The following ANKRD36C variants were observed in gnomAD, a reference collection of about 807,000 sequenced individuals.
ANKRD36C encodes the protein ankyrin repeat domain 36C.
In ANKRD36C, 61 loss-of-function variants were observed where a neutral mutation model predicts 276.4. The observed-to-expected ratio is 0.22, with a 90% CI of 0.18 to 0.27. The LOEUF (loss-of-function observed/expected upper bound fraction) is 0.27. Among genes scored for constraint, ANKRD36C ranks in the 10% least tolerant of loss-of-function variants. The pLI is 1.00. For missense variants in ANKRD36C, 1,447 were observed against 2,032.3 expected (o/e 0.71, Z 5.54); for synonymous variants, 483 against 680.1 (o/e 0.71, Z 4.51).
exon 52 of ANKRD36C, chr2:95,886,064 T>A: frequency 6.2e-7 from 1 of 1,611,124 alleles, no homozygotes. Context: ...CACGTATTTG[T>A]CCATCCTTTA....
chr2:95,902,276 C>T (rs1188952017), intron 42 of ANKRD36C, among the ~76,000 whole-genome samples: 1 of 148,580 alleles, frequency 6.7e-6, no homozygotes, highest in Non-Finnish European at 1.5e-5. Flanking sequence ...ACCATTGTTT[C>T]CTGCTTCCAG....
chr2:95,866,673 G>C (rs1247386577), intron 60 of ANKRD36C, among the ~76,000 whole-genome samples: 1 of 152,114 alleles, frequency 6.6e-6, no homozygotes, highest in Non-Finnish European at 1.5e-5. Flanking sequence ...ATTTACTGCT[G>C]ATGAGAATAG....
intron 42 of ANKRD36C, among the ~76,000 whole-genome samples, chr2:95,909,825 T>C (rs1365511949): frequency 3.4e-5 from 5 of 148,266 alleles, no homozygotes; most frequent in Non-Finnish European, 6.0e-5. Context: ...ATATTCCAAA[T>C]GCATCTGAAG....
Position 95,882,193 on chromosome 2 carries a change from C to A in ANKRD36C, c.3367+109G>T, listed in dbSNP as rs1676099343. On this transcript the variant is annotated intron_variant, in intron 56 of 66. Coordinates refer to ENST00000456556, the Ensembl canonical transcript of ANKRD36C. ...GTAGAAATGCACAATCTCAGGCCTG[C>A]TGAATCAGAAAGTGCATTTTCAATG... is the stretch of plus-strand genomic sequence containing the variant. 4.4e-6 allele frequency: 5 copies of A among 1,137,350 alleles called. No homozygotes were observed. The South Asian group carries it at 5.7e-5, about 13-fold the overall frequency. 70.5% of individuals were successfully genotyped at this position (1,137,350 alleles called of 1,614,324 possible).
chr2:95,884,413 T>G (rs1195109264), intron 52 of ANKRD36C, 45 bp from the exon 73 acceptor site: 4 of 1,609,358 alleles, frequency 2.5e-6, no homozygotes, highest in Non-Finnish European at 3.4e-6. Context: ...GCACGTATGA[T>G]AAAGTTATTC....
chr2:95,915,268 C>T (rs1265773429), intron 38 of ANKRD36C, among the ~76,000 whole-genome samples: 1 of 151,576 alleles, frequency 6.6e-6, no homozygotes, highest in East Asian at 2.0e-4. Flanking sequence ...AAGTTTATCT[C>T]ATTTCTATAA....
intron 10 of ANKRD36C, 64 bp downstream of exon 10, chr2:95,960,409 C>T (rs1042870755): frequency 1.0e-5 from 16 of 1,528,102 alleles, no homozygotes; most frequent in African/African-American, 6.9e-5. Flanking sequence ...CTGATTTATT[C>T]GGGGAAGGGA....
chr2:95,963,974 T>TATATATATATAA (rs1678522964), intron 6 of ANKRD36C, among the ~76,000 whole-genome samples: 2 of 31,920 alleles, frequency 6.3e-5, no homozygotes, highest in South Asian at 1.4e-3. Context: ...TATATATAAA[T>TATATATATATAA]ATATATATAT....
chr2:95,855,906 T>G lies in ANKRD36C; in HGVS notation c.4355A>C (p.Lys1452Thr), dbSNP rs760435690. The stretch of plus-strand genomic sequence containing the variant: ...CAGTCTTTGCCCGCTCTCTCTTTGC[T>G]TCTCCAGTTTAGAACGGAGCGTTGT... Residue 1452 changes from lysine (K) to threonine (T), a missense_variant, in exon 63 of 67, where the codon AAG (lysine) becomes ACG (threonine). Physicochemically the swap from Lys to Thr is moderately conservative, Grantham distance 78 (BLOSUM62 -1). Around this residue, in one of 13 missense-constraint regions of ANKRD36C, gnomAD observed 437 missense variants for 641.0 expected, o/e 0.68. Coordinates refer to ENST00000456556, the Ensembl canonical transcript of ANKRD36C. 1.9e-6 allele frequency: 3 copies of G among 1,613,820 alleles called. No individual in the cohort carries two copies. The South Asian group carries it at 3.3e-5, about 18-fold the overall frequency.
At chr2:95,923,527 G>C in exon 32 of ANKRD36C, 3 of 1,610,948 alleles carry the variant, frequency 1.9e-6, no homozygotes, top group African/African-American at 1.3e-5. Context: ...CTTTATTTCT[G>C]TAGCTATATT....
intron 58 of ANKRD36C, among the ~76,000 whole-genome samples, chr2:95,876,713 G>A (rs958266160): frequency 1.4e-5 from 2 of 146,342 alleles, no homozygotes; most frequent in East Asian, 2.2e-4. Context: ...TTAGCTGGGC[G>A]TGGTGGTGGG....
rs1676111363 is a variant in ANKRD36C at position 95,882,631 on chromosome 2, T to C, written c.3266-134A>G. ...AGGATTTGATGTTTTACAGTTTGTG[T>C]CTTTGGGACAGGAACATGAGGAAAT... is the stretch of plus-strand genomic sequence containing the variant. On this transcript the variant is annotated intron_variant, in intron 54 of 66. Coordinates refer to ENST00000456556, the Ensembl canonical transcript of ANKRD36C. The C allele has an allele frequency of 2.6e-6, 3 of 1,166,714 alleles. No individual in the cohort carries two copies. In the East Asian group the frequency reaches 7.7e-5, roughly 30 times the overall value. The allele number at this position is 1,166,714 out of a possible 1,614,324, so 72.3% of individuals were successfully genotyped here.
chr2:95,897,834 C>T (rs1445388651), intron 44 of ANKRD36C, among the ~76,000 whole-genome samples: 21 of 141,352 alleles, frequency 1.5e-4, no homozygotes, highest in African/African-American at 3.4e-4. Flanking sequence ...ATCCCACTTA[C>T]CTTTCATGCA....
At chr2:95,955,607 T>A (rs1476361146) in intron 13 of ANKRD36C, among the ~76,000 whole-genome samples, 3 of 152,154 alleles carry the variant, frequency 2.0e-5, no homozygotes, top group African/African-American at 7.2e-5. Flanking sequence ...TCCATTCTCA[T>A]CCTCTTCCAC....
intron 61 of ANKRD36C, among the ~76,000 whole-genome samples, chr2:95,858,060 G>C (rs537353797): frequency 6.6e-6 from 1 of 151,956 alleles, no homozygotes. Context: ...CCCCAGCTTT[G>C]AGTTGGCCTG....
intron 6 of ANKRD36C, among the ~76,000 whole-genome samples, chr2:95,973,229 C>T (rs535440308): frequency 2.0e-5 from 3 of 152,030 alleles, no homozygotes; most frequent in Non-Finnish European, 4.4e-5. Flanking sequence ...CTGGCTAACA[C>T]GGTGAAACCC....
At chr2:95,990,631 T>C (rs1679119607) in intron 1 of ANKRD36C, among the ~76,000 whole-genome samples, 1 of 152,250 alleles carries the variant, frequency 6.6e-6, no homozygotes, top group African/African-American at 2.4e-5. Flanking sequence ...ATGTAAAATT[T>C]ATAAACATAG....
At chr2:95,849,355 C>A (rs561803251), downstream of ANKRD36C, among the ~76,000 whole-genome samples, 1 of 152,276 alleles carries the variant, frequency 6.6e-6, no homozygotes, top group African/African-American at 2.4e-5. Flanking sequence ...CCACTGCAGC[C>A]AGACAGCACA....
intron 34 of ANKRD36C, among the ~76,000 whole-genome samples, chr2:95,919,514 T>C (rs145619067): frequency 0.013 from 1,654 of 130,278 alleles, 67 homozygotes; most frequent in African/African-American, 0.044. Context: ...CCAATTTCAA[T>C]GTGGGAAAGT....
Sources: gnomAD v4.1 joint callset for allele counts (sites outside exome capture counted in the v4.1 genomes callset) on GRCh38, gnomAD v4.1.1 for gene constraint, gnomAD v4.1.1 regional missense constraint, MANE v1.5 for transcripts, NCBI Gene and HGNC (gene_info 2026-07-23, HGNC 2026-07-21) for gene names.